CBLB: variants seen among roughly 807,000 people sequenced by gnomAD.
The protein encoded by CBLB is Cbl proto-oncogene B, also known as E3 ubiquitin-protein ligase CBL-B.
Under a neutral mutation model 104.9 loss-of-function variants are expected in CBLB, and 31 were observed. The ratio of observed to expected loss-of-function variants is 0.30; its 90% CI spans 0.22 to 0.40. CBLB has a LOEUF of 0.40. Among genes scored for constraint, CBLB ranks in the 10% least tolerant of loss-of-function variants. CBLB has a pLI of 1.00. For synonymous variants in CBLB, 440 were observed against 422.6 expected, an observed-to-expected ratio of 1.04 and a Z score of -0.51; for missense variants, 1,062 against 1,214.6, an observed-to-expected ratio of 0.87 and a Z score of 1.87.
At chr3:105,686,227 T>A (rs1460891188) in intron 13 of CBLB, among the ~76,000 whole-genome samples, 1 of 152,118 alleles carries the variant, frequency 6.6e-6, no homozygotes, top group African/African-American at 2.4e-5. Flanking sequence ...CCCAAACAAA[T>A]GGGCAAACAT....
intron 3 of CBLB, among the ~76,000 whole-genome samples, chr3:105,827,209 G>T (rs2086718774): frequency 7.7e-6 from 1 of 129,496 alleles, no homozygotes; most frequent in African/African-American, 2.9e-5. Context: ...CTGTCATTCA[G>T]TGAAGCTATA....
At chr3:105,710,601 C>A (rs558424078) in intron 10 of CBLB, among the ~76,000 whole-genome samples, 1 of 152,020 alleles carries the variant, frequency 6.6e-6, no homozygotes, top group East Asian at 1.9e-4. Flanking sequence ...CTTTCCAAAT[C>A]CAAAGGCTGA....
At chr3:105,773,836 A>G (rs1221743288) in intron 4 of CBLB, among the ~76,000 whole-genome samples, 1 of 152,220 alleles carries the variant, frequency 6.6e-6, no homozygotes, top group Non-Finnish European at 1.5e-5. Context: ...TCATTTGCAT[A>G]AAAATTGACC....
intron 10 of CBLB, among the ~76,000 whole-genome samples, chr3:105,718,633 T>A (rs934121198): frequency 6.6e-6 from 1 of 152,140 alleles, no homozygotes; most frequent in Non-Finnish European, 1.5e-5. Flanking sequence ...GGCAAATAGG[T>A]TTCATGCTAC....
intron 18 of CBLB, among the ~76,000 whole-genome samples, 170 bp downstream of exon 18, chr3:105,670,063 G>A (rs974237709): frequency 1.2e-4 from 19 of 152,108 alleles, no homozygotes; most frequent in African/African-American, 4.6e-4. Context: ...CAGTTCTGTA[G>A]CCATTCCTCT....
At chr3:105,684,382 A>G (rs1003636688) in intron 14 of CBLB, among the ~76,000 whole-genome samples, 3 of 152,242 alleles carry the variant, frequency 2.0e-5, no homozygotes, top group African/African-American at 7.2e-5. Flanking sequence ...TCAATAATAT[A>G]AATGCAGACT....
intron 3 of CBLB, among the ~76,000 whole-genome samples, chr3:105,803,321 T>C (rs2083120522): frequency 6.6e-6 from 1 of 152,214 alleles, no homozygotes; most frequent in Non-Finnish European, 1.5e-5. Context: ...AATTTATTTT[T>C]CAAGCCCCTG....
intron 6 of CBLB, among the ~76,000 whole-genome samples, chr3:105,745,603 G>A (rs1435175160): frequency 6.6e-6 from 1 of 152,082 alleles, no homozygotes; most frequent in Admixed American, 6.5e-5. Context: ...ACATAAGACT[G>A]TTCTATTTAT....
chr3:105,765,309 C>A (rs888617340), intron 4 of CBLB, among the ~76,000 whole-genome samples: 16 of 152,076 alleles, frequency 1.1e-4, no homozygotes, highest in African/African-American at 3.9e-4. Context: ...CATATGTACC[C>A]CCTAAATAAC....
intron 18 of CBLB, among the ~76,000 whole-genome samples, chr3:105,668,783 G>T (rs1238004252): frequency 6.6e-6 from 1 of 152,114 alleles, no homozygotes; most frequent in Non-Finnish European, 1.5e-5. Context: ...CATCTCCCAT[G>T]CATGGCATCG....
At chr3:105,814,842 C>A (rs1187488827) in intron 3 of CBLB, among the ~76,000 whole-genome samples, 1 of 151,924 alleles carries the variant, frequency 6.6e-6, no homozygotes, top group Admixed American at 6.6e-5. Flanking sequence ...GAAGAAAATC[C>A]ATAGTCTAAG....
intron 3 of CBLB, among the ~76,000 whole-genome samples, chr3:105,787,036 C>G (rs1330226893): frequency 6.6e-6 from 1 of 152,116 alleles, no homozygotes; most frequent in Non-Finnish European, 1.5e-5. Context: ...AGCATTGAGA[C>G]TATGCCAGGT....
At chr3:105,675,349 C>T (rs1443646245) in intron 17 of CBLB, among the ~76,000 whole-genome samples, 2 of 152,092 alleles carry the variant, frequency 1.3e-5, no homozygotes, top group East Asian at 3.9e-4. Flanking sequence ...GCATTTATAG[C>T]ATATTCTTAA....
intron 4 of CBLB, among the ~76,000 whole-genome samples, chr3:105,771,862 A>G (rs1239811500): frequency 6.6e-6 from 1 of 152,218 alleles, no homozygotes; most frequent in Non-Finnish European, 1.5e-5. Flanking sequence ...GAAAACTACA[A>G]AACACTGAAA....
chr3:105,854,829 C>T (rs1192469159), intron 2 of CBLB, among the ~76,000 whole-genome samples: 1 of 152,032 alleles, frequency 6.6e-6, no homozygotes, highest in Non-Finnish European at 1.5e-5. Flanking sequence ...GACGGGATTT[C>T]ACCATCTTTG....
At chr3:105,777,291 C>A (rs75994561) in intron 3 of CBLB, among the ~76,000 whole-genome samples, 11,040 of 152,230 alleles carry the variant, frequency 0.073, 569 homozygotes, top group East Asian at 0.29. Context: ...ATTTTAGAAG[C>A]TCTGTGGGCA....
intron 4 of CBLB, among the ~76,000 whole-genome samples, chr3:105,763,441 T>C (rs527928759): frequency 2.6e-5 from 4 of 151,960 alleles, no homozygotes; most frequent in African/African-American, 4.9e-5. Flanking sequence ...AAGGACCTAA[T>C]AGGAGGTATT....
chr3:105,685,427 T>C lies in CBLB; in HGVS notation c.2094A>G (p.Thr698=), dbSNP rs747373511. 2.5e-5 allele frequency: 41 copies of C among 1,613,166 alleles called. No homozygotes were observed. The highest frequency in any genetic ancestry group is 1.6e-4 in the Middle Eastern group (1 of 6,080). The change falls in exon 14 of 19, where the codon ACA becomes ACG. Residue 698 remains threonine (T), a synonymous_variant. Transcript: ENST00000394030. ...CATCATCTTCCTCTACTGGGTCTCT[T>C]GTTTTCTCTGAAAGAGAATTTGCTA... ...GPLANSLSEK[T]RDPVEEDDDE...
At chr3:105,680,246 G>C (rs77373151) in intron 16 of CBLB, among the ~76,000 whole-genome samples, 11,407 of 152,112 alleles carry the variant, frequency 0.075, 528 homozygotes, top group Admixed American at 0.12. Context: ...CGTCTAAGTA[G>C]AGTAAACAGT....
Sources: allele counts gnomAD v4.1 joint callset (sites outside exome capture counted in the v4.1 genomes callset), GRCh38; gene constraint gnomAD v4.1.1; transcripts MANE v1.5; gene names NCBI Gene and HGNC (gene_info 2026-07-23, HGNC 2026-07-21).